TRIM37: variants seen among roughly 807,000 people sequenced by gnomAD.
TRIM37 encodes tripartite motif containing 37.
TRIM37 carries 80 observed loss-of-function variants against 129.8 expected under a neutral mutation model. The observed-to-expected ratio is 0.62, with a 90% CI of 0.51 to 0.74. TRIM37 has a LOEUF of 0.74. Among genes scored for constraint, TRIM37 ranks in the 30% least tolerant of loss-of-function variants. The probability of loss-of-function intolerance (pLI) is 0.00; values close to 1 mark genes in which losing one functional copy is unlikely to be tolerated. For missense variants in TRIM37, 1,054 were observed against 1,176.5 expected, an observed-to-expected ratio of 0.90 and a Z score of 1.52; for synonymous variants, 389 against 387.1, an observed-to-expected ratio of 1.00 and a Z score of -0.06.
chr17:59,087,458 CTTTT>C (rs56956832), intron 4 of TRIM37, among the ~76,000 whole-genome samples: 15 of 130,828 alleles, frequency 1.1e-4, no homozygotes, highest in Admixed American at 3.1e-4. Flanking sequence ...AAGCCTCTTT[CTTTT>C]TTTTTTTTTT....
chr17:59,039,407 C>A (rs953241824), intron 17 of TRIM37, among the ~76,000 whole-genome samples: 2 of 147,908 alleles, frequency 1.4e-5, no homozygotes, highest in African/African-American at 5.0e-5. Flanking sequence ...AGTGCGGTGG[C>A]GCAATCTCAG....
downstream of TRIM37, chr17:58,981,284 T>G: frequency 2.5e-6 from 1 of 395,302 alleles, no homozygotes; most frequent in Non-Finnish European, 4.5e-6. Flanking sequence ...CACAACCCCC[T>G]TCCCACCATC....
rs916845830 is a variant in TRIM37, at chr17:59,070,757, T to C, written c.809+66A>G. 3 of 1,537,418 alleles carry C rather than the reference T, an allele frequency of 2.0e-6. No individual in the cohort carries two copies. The African/African-American group carries it at 4.2e-5, about 21-fold the overall frequency. Reference sequence around the variant, plus strand: ...TGGCATTAAAAAAAAAAACATTCTTTTGAAACAAGTATATGCATTTCCACA... The same window carrying C: ...TGGCATTAAAAAAAAAAACATTCTTCTGAAACAAGTATATGCATTTCCACA... On this transcript the variant is annotated intron_variant, in intron 9 of 23. Transcript: ENST00000262294.
rs185620415 is a variant in TRIM37, at chr17:59,075,659, C to T, written c.672G>A (p.Glu224=). The change falls in exon 8 of 24, where the codon GAG becomes GAA. Residue 224 remains glutamate, a synonymous_variant. Transcript: ENST00000262294. The part of the protein sequence containing the change: ...ETELLESLLQ[E]VEHQLRSCSK... ...AATATTTCATCACCTGGTGCTCCACCTCCTGAAGTAAGGATTCCAAAAGCT... is the reference window on the plus strand; with the variant it reads ...AATATTTCATCACCTGGTGCTCCACTTCCTGAAGTAAGGATTCCAAAAGCT... 3 of 1,608,864 alleles carry T rather than the reference C, an allele frequency of 1.9e-6. No homozygotes were observed. The highest frequency in any genetic ancestry group is 2.7e-5 in the African/African-American group (2 of 74,824).
intron 17 of TRIM37, among the ~76,000 whole-genome samples, chr17:59,034,046 A>AC (rs2038185569): frequency 6.6e-6 from 1 of 151,540 alleles, no homozygotes; most frequent in Non-Finnish European, 1.5e-5. Flanking sequence ...GGCAGAGGTT[A>AC]CAGTGAGCCA....
intron 17 of TRIM37, among the ~76,000 whole-genome samples, chr17:59,039,593 C>CCTCCCA (rs2038935704): frequency 6.6e-6 from 1 of 152,100 alleles, no homozygotes; most frequent in Non-Finnish European, 1.5e-5. Flanking sequence ...GATCCACCCA[C>CCTCCCA]CTCGGCCTCC....
chr17:59,069,535 T>C (rs1299200944), intron 9 of TRIM37, among the ~76,000 whole-genome samples: 2 of 152,154 alleles, frequency 1.3e-5, no homozygotes, highest in Admixed American at 6.5e-5. Context: ...AACTTGATAG[T>C]ATTCCATAAG....
chr17:58,969,759 A>C, the TRIM37 span: 1 of 1,606,350 alleles, frequency 6.2e-7, no homozygotes, highest in Non-Finnish European at 8.5e-7. Flanking sequence ...TCCAGCTAGA[A>C]ATGTACTAGC....
chr17:59,056,282 C>A (rs555570641), intron 13 of TRIM37, among the ~76,000 whole-genome samples: 3 of 151,936 alleles, frequency 2.0e-5, no homozygotes, highest in Non-Finnish European at 4.4e-5. Context: ...GGGCCCAAGC[C>A]GTCCTCCCAT....
chr17:58,972,522 TG>T, the TRIM37 span, among the ~76,000 whole-genome samples: 1 of 152,276 alleles, frequency 6.6e-6, no homozygotes, highest in East Asian at 1.9e-4. Context: ...AGCTAATTTT[TG>T]TATTTTTAGT....
intron 22 of TRIM37, among the ~76,000 whole-genome samples, chr17:59,009,467 C>A (rs1238114680): frequency 7.6e-6 from 1 of 132,340 alleles, no homozygotes; most frequent in Non-Finnish European, 1.6e-5. Flanking sequence ...TTTTTTGAGA[C>A]GAAGTTTCAC....
intron 14 of TRIM37, among the ~76,000 whole-genome samples, chr17:59,050,961 CAG>C (rs1163277841): frequency 1.3e-5 from 2 of 152,060 alleles, no homozygotes; most frequent in Non-Finnish European, 2.9e-5. Flanking sequence ...GCCTGGGCAA[CAG>C]AGCGAGACTC....
intron 12 of TRIM37, chr17:59,059,523 G>T (rs1038863732): frequency 1.3e-5 from 2 of 152,664 alleles, no homozygotes; most frequent in African/African-American, 2.4e-5. Context: ...CGTATGCAGG[G>T]TCTCACCATA....
chr17:59,045,400 G>C (rs2039675949), intron 16 of TRIM37, among the ~76,000 whole-genome samples: 1 of 151,990 alleles, frequency 6.6e-6, no homozygotes, highest in South Asian at 2.1e-4. Flanking sequence ...AGCACTTTGG[G>C]AGGCCAAGAC....
chr17:58,995,739 A>C (rs987670397), downstream of TRIM37, among the ~76,000 whole-genome samples: 4 of 152,208 alleles, frequency 2.6e-5, no homozygotes, highest in African/African-American at 9.6e-5. Flanking sequence ...ATTCGTAAGC[A>C]AGAGTTTTGG....
At chr17:58,967,889 C>T in the TRIM37 span, among the ~76,000 whole-genome samples, 5 of 151,814 alleles carry the variant, frequency 3.3e-5, no homozygotes, top group Admixed American at 1.3e-4. Context: ...CTGCAACCTC[C>T]GCTTCCCGGG....
rs2033327622 is a variant in TRIM37, at chr17:58,999,039, G to A, written c.*338C>T. On this transcript the variant is annotated 3_prime_UTR_variant, in exon 24 of 24. Coordinates refer to ENST00000262294, the MANE Select transcript of TRIM37 (RefSeq NM_015294.6). ...ATGCCGGGCGGGTTACTGACGGCAT[G>A]CAGGGCCTGGAGGTACATTTTCTGG... 1.4e-5 allele frequency: 16 copies of A among 1,137,194 alleles called. No individual in the cohort carries two copies. The highest frequency in any genetic ancestry group is 1.7e-5 in the Non-Finnish European group (16 of 920,820). 70.4% of individuals were successfully genotyped at this position (1,137,194 alleles called of 1,614,324 possible).
chr17:59,026,892 T>C (rs1000519835), intron 19 of TRIM37, among the ~76,000 whole-genome samples: 3 of 152,230 alleles, frequency 2.0e-5, no homozygotes, highest in Admixed American at 2.0e-4. Context: ...TTATTTTTGA[T>C]TTTTGAGATA....
chr17:59,087,873 C>T (rs2043914856), intron 4 of TRIM37: 1 of 210,554 alleles, frequency 4.7e-6, no homozygotes, highest in African/African-American at 2.3e-5. Flanking sequence ...TTACCTGCTC[C>T]CCATAACAAC....
Sources: gnomAD v4.1 joint callset for allele counts (sites outside exome capture counted in the v4.1 genomes callset) on GRCh38, gnomAD v4.1.1 for gene constraint, MANE v1.5 for transcripts, NCBI Gene and HGNC (gene_info 2026-07-23, HGNC 2026-07-21) for gene names.